The following PAICS variants were observed in gnomAD, a reference collection of about 807,000 sequenced individuals.
PAICS encodes bifunctional phosphoribosylaminoimidazole carboxylase/phosphoribosylaminoimidazole succinocarboxamide synthetase.
Under a neutral mutation model 53.7 loss-of-function variants are expected in PAICS, and 33 were observed. That is an observed-to-expected ratio of 0.61 (90% CI 0.47 to 0.82). The LOEUF is 0.82. Ranked by LOEUF, PAICS falls within the 40% of genes least tolerant of loss-of-function variation. The pLI, the probability that PAICS is intolerant of heterozygous loss-of-function variation, is 0.00. For missense variants in PAICS, 394 were observed against 494.1 expected (o/e 0.80, Z 1.92); for synonymous variants, 141 against 167.2 (o/e 0.84, Z 1.21).
At chr4:56,427,935 A>G in the PAICS span, among the ~76,000 whole-genome samples, 1 of 152,246 alleles carries the variant, frequency 6.6e-6, no homozygotes, top group African/African-American at 2.4e-5. Flanking sequence ...TAGAGAAAGA[A>G]GGAAAATGTC....
chr4:56,435,597 G>A (rs1008704280), upstream of PAICS: 10 of 1,547,108 alleles, frequency 6.5e-6, no homozygotes, highest in Admixed American at 5.3e-5. Context: ...CTTCCTTCCC[G>A]AGGGTGGCCC....
In PAICS at chr4:56,463,330, A is replaced by G. The variant is rs1719577275; in HGVS notation, c.*3792A>G. Reference sequence around the variant, plus strand: ...GATAAGATACCATAAGATACTGTACATGAGGCTGGGCGCGGTGGCTCACGT... The same window carrying G: ...GATAAGATACCATAAGATACTGTACGTGAGGCTGGGCGCGGTGGCTCACGT... On this transcript the variant is annotated 3_prime_UTR_variant, in exon 9 of 9. Coordinates refer to ENST00000512576, the MANE Select transcript of PAICS (RefSeq NM_001079524.2). 6.6e-6 allele frequency: 1 copy of G among 151,502 alleles called. No individual in the cohort carries two copies. The allele number at this position is 151,502 out of a possible 1,614,324, so 9.4% of individuals were successfully genotyped here. A position where few individuals can be genotyped will look rare whatever the true frequency, so the allele number is the denominator to read the frequency against.
chr4:56,435,839 G>A (rs534547488), upstream of PAICS: 27 of 1,497,862 alleles, frequency 1.8e-5, no homozygotes, highest in South Asian at 2.5e-4. Flanking sequence ...TAGCGTAATG[G>A]GAGTAACGGA....
Position 56,459,617 on chromosome 4 carries a change from A to C in PAICS, c.*79A>C. On this transcript the variant is annotated 3_prime_UTR_variant, in exon 9 of 9. Transcript: ENST00000512576. The stretch of plus-strand genomic sequence containing the variant: ...TGAAGGAAAATCAAGCAAGATGAAA[A>C]GGTAATTTTAAATTAGAGAACACAA... 1.9e-6 allele frequency: 2 copies of C among 1,079,806 alleles called. No homozygotes were observed. Among genetic ancestry groups the C allele is most frequent in the Non-Finnish European group, 2.7e-6 (2 of 751,262 alleles). 66.9% of individuals were successfully genotyped at this position (1,079,806 alleles called of 1,614,324 possible).
the PAICS span, among the ~76,000 whole-genome samples, chr4:56,427,031 T>C: frequency 6.6e-6 from 1 of 152,246 alleles, no homozygotes; most frequent in Non-Finnish European, 1.5e-5. Flanking sequence ...ATTTCACTTA[T>C]AATATCTTTA....
At chr4:56,452,125 T>A in intron 7 of PAICS, 73 bp downstream of exon 7, 1 of 943,018 alleles carries the variant, frequency 1.1e-6, no homozygotes, top group Non-Finnish European at 1.6e-6. Context: ...TTTAGACTAA[T>A]AATGCTGAAA....
At chr4:56,450,562 A>G (rs2110091953) in intron 5 of PAICS, 57 bp from the exon 6 acceptor site, 3 of 924,096 alleles carry the variant, frequency 3.2e-6, no homozygotes, top group African/African-American at 3.3e-5. Flanking sequence ...TCAGAAACCA[A>G]ATAGTTTCAG....
At chr4:56,421,618 G>A in the PAICS span, 1 of 152,224 alleles carries the variant, frequency 6.6e-6, no homozygotes, top group Non-Finnish European at 1.5e-5. Context: ...AAGACAGTCT[G>A]CGTCTAGGGA....
the PAICS span, chr4:56,410,902 A>T: frequency 3.7e-4 from 13 of 34,936 alleles, no homozygotes; most frequent in Non-Finnish European, 5.2e-4. Flanking sequence ...CTGAAGGTAA[A>T]AAAAAAAAAA....
Position 56,462,187 on chromosome 4 carries a change from C to A in PAICS, c.*2649C>A, listed in dbSNP as rs78191651. 0.013 allele frequency: 1,930 copies of A among 152,262 alleles called. 22 individuals carry two copies. The highest frequency in any genetic ancestry group is 0.019 in the Non-Finnish European group (1,315 of 68,012). 9.4% of individuals were successfully genotyped at this position (152,262 alleles called of 1,614,324 possible). A position where few individuals can be genotyped will look rare whatever the true frequency, so the allele number is the denominator to read the frequency against. ...GGGAAGGTTTTTGAGGAGAGCAGAG[C>A]AATGATGTAAAAGCAAGACACACAG... On this transcript the variant is annotated 3_prime_UTR_variant, in exon 9 of 9. Coordinates refer to ENST00000512576, the MANE Select transcript of PAICS (RefSeq NM_001079524.2).
chr4:56,435,944 T>A, upstream of PAICS: 3 of 1,492,068 alleles, frequency 2.0e-6, no homozygotes, highest in South Asian at 3.4e-5. Context: ...CTCCAACTTC[T>A]GAGTCGCTCC....
the PAICS span, among the ~76,000 whole-genome samples, chr4:56,414,805 C>T: frequency 6.6e-6 from 1 of 152,330 alleles, no homozygotes; most frequent in East Asian, 1.9e-4. Context: ...GGCCCTGTTT[C>T]TCTAAAGGTA....
At position 56,453,623 on chromosome 4, in the gene PAICS, T is replaced by C; in HGVS notation, c.973T>C (p.Phe325Leu). The C allele has an allele frequency of 1.9e-6, 3 of 1,595,496 alleles. No homozygotes were observed. Among genetic ancestry groups the C allele is most frequent in the Non-Finnish European group, 2.6e-6 (3 of 1,170,244 alleles). ...CCTAGGGGATGGCATTCCTACTGTATTTGTGGCAGTGGCAGGCAGAAGTAA... is the reference window on the plus strand; with the variant it reads ...CCTAGGGGATGGCATTCCTACTGTACTTGTGGCAGTGGCAGGCAGAAGTAA... ...EYEGDGIPTV[F>L]VAVAGRSNGL... Residue 325 changes from phenylalanine (F) to leucine (L), a missense_variant, in exon 8 of 9, where the codon TTT becomes CTT. Phe to Leu is a conservative substitution (Grantham distance 22). This residue lies in a region of PAICS where 131 missense variants were observed against 205.5 expected (regional missense o/e 0.64). Transcript: ENST00000512576.
chr4:56,459,508 TGAC>T lies in PAICS; in HGVS notation c.1249_1251del (p.Asp417del). ...ACACATGGATTTCCTTGAAGCAGGCTGACAAGAAAATCAGAGAATGTAATTTAT... is the reference window on the plus strand; with the variant it reads ...ACACATGGATTTCCTTGAAGCAGGCTAAGAAAATCAGAGAATGTAATTTAT... On this transcript the variant is annotated inframe_deletion, in exon 9 of 9. Transcript: ENST00000512576. The T allele has an allele frequency of 6.3e-7, 1 of 1,577,170 alleles. No homozygotes were observed. The highest frequency in any genetic ancestry group is 8.7e-7 in the Non-Finnish European group (1 of 1,154,050).
chr4:56,432,222 T>G (rs1329173296), upstream of PAICS, among the ~76,000 whole-genome samples: 1 of 152,138 alleles, frequency 6.6e-6, no homozygotes, highest in Non-Finnish European at 1.5e-5. Flanking sequence ...ACCTTCTAGA[T>G]TCCATCTTCT....
the PAICS span, among the ~76,000 whole-genome samples, chr4:56,412,355 C>A: frequency 6.6e-6 from 1 of 151,026 alleles, no homozygotes; most frequent in African/African-American, 2.4e-5. Context: ...GTCACCCAAG[C>A]TGAAGTGCAG....
chr4:56,427,536 G>T, the PAICS span, among the ~76,000 whole-genome samples: 1 of 152,004 alleles, frequency 6.6e-6, no homozygotes. Flanking sequence ...ACTAGGCATG[G>T]TGGTAGGCAC....
In PAICS at chr4:56,439,741, G is replaced by A. The variant is rs10222713; in HGVS notation, c.17-1922G>A. On this transcript the variant is annotated intron_variant, in intron 1 of 8. Transcript: ENST00000512576. ...GCAAATCTTGGCCCACTGCGGCCTC[G>A]ACCTCCCCAAGTAGCTGAGACTACA... is the stretch of plus-strand genomic sequence containing the variant. Among the ~76,000 whole-genome samples, 1,008 of 151,774 alleles carry A rather than the reference G, an allele frequency of 6.6e-3. 14 individuals are homozygous for A. The highest frequency in any genetic ancestry group is 0.023 in the African/African-American group (952 of 41,360).
chr4:56,437,819 C>CAAA (rs869109998), intron 1 of PAICS, among the ~76,000 whole-genome samples: 2,785 of 21,580 alleles, frequency 0.13, 376 homozygotes, highest in East Asian at 0.32. Flanking sequence ...GACTCTGTCT[C>CAAA]AAAAAAAAAA....
Sources: gnomAD v4.1 joint callset for allele counts (sites outside exome capture counted in the v4.1 genomes callset) on GRCh38, gnomAD v4.1.1 for gene constraint, gnomAD v4.1.1 regional missense constraint, MANE v1.5 for transcripts, NCBI Gene and HGNC (gene_info 2026-07-23, HGNC 2026-07-21) for gene names.